The following SPOCK1 variants were observed in gnomAD, a reference collection of about 807,000 sequenced individuals.
The protein encoded by SPOCK1 is testican-1.
A neutral mutation model predicts 55.3 loss-of-function variants in SPOCK1; 23 were observed. The observed-to-expected ratio is 0.42, with a 90% confidence interval of 0.30 to 0.59. SPOCK1 has a LOEUF of 0.59. Ranked by LOEUF, SPOCK1 falls within the 20% of genes least tolerant of loss-of-function variation. The probability of loss-of-function intolerance (pLI) is 0.22; values close to 1 mark genes in which losing one functional copy is unlikely to be tolerated. For synonymous variants in SPOCK1, 226 were observed against 221.0 expected (o/e 1.02, Z -0.20); for missense variants, 499 against 552.5 (o/e 0.90, Z 0.97).
At chr5:137,456,673 T>C (rs1430785623) in intron 2 of SPOCK1, among the ~76,000 whole-genome samples, 1 of 152,090 alleles carries the variant, frequency 6.6e-6, no homozygotes, top group Non-Finnish European at 1.5e-5. Flanking sequence ...CTCAAGGAGG[T>C]AATAATGAAT....
At chr5:137,044,707 T>C (rs1287685569) in intron 6 of SPOCK1, among the ~76,000 whole-genome samples, 1 of 151,722 alleles carries the variant, frequency 6.6e-6, no homozygotes, top group Non-Finnish European at 1.5e-5. Flanking sequence ...GTTAGTTACA[T>C]ATGTATACAT....
chr5:137,124,629 G>A (rs759333779), intron 4 of SPOCK1, among the ~76,000 whole-genome samples: 3 of 152,196 alleles, frequency 2.0e-5, no homozygotes, highest in Non-Finnish European at 4.4e-5. Context: ...AGTCAGCAGT[G>A]TGCACACTCA....
intron 2 of SPOCK1, among the ~76,000 whole-genome samples, chr5:137,289,370 C>T (rs1370511238): frequency 2.0e-5 from 3 of 152,076 alleles, no homozygotes; most frequent in East Asian, 3.9e-4. Flanking sequence ...TAAAACACGG[C>T]ACATTCTGGT....
At chr5:137,309,932 A>G (rs1757761590) in intron 2 of SPOCK1, among the ~76,000 whole-genome samples, 2 of 152,158 alleles carry the variant, frequency 1.3e-5, no homozygotes, top group South Asian at 2.1e-4. Flanking sequence ...AATAGTTGTT[A>G]CTTAATGTCT....
chr5:137,143,567 C>T (rs1216714174), intron 3 of SPOCK1, among the ~76,000 whole-genome samples: 4 of 152,132 alleles, frequency 2.6e-5, no homozygotes, highest in Non-Finnish European at 5.9e-5. Context: ...ACAGCACCTG[C>T]TATTGCTTGG....
chr5:137,147,532 A>C (rs1388390632), intron 3 of SPOCK1, among the ~76,000 whole-genome samples: 1 of 152,174 alleles, frequency 6.6e-6, no homozygotes, highest in African/African-American at 2.4e-5. Flanking sequence ...GCAGCCAGCC[A>C]GCTTTTTGCT....
rs554753664 is a variant in SPOCK1, at chr5:137,371,270, A to C, written c.187-104215T>G. ...TGGCTGCAAGATGTTACTTATGCTA[A>C]GTTCTGCTTCCCTCCACTTAAACTG... is the stretch of plus-strand genomic sequence containing the variant. On this transcript the variant is annotated intron_variant, in intron 2 of 10. Transcript: ENST00000394945. Among the ~76,000 whole-genome samples, 23 of 152,360 alleles carry C rather than the reference A, an allele frequency of 1.5e-4. No individual in the cohort carries two copies. In the East Asian group the frequency reaches 3.5e-3, roughly 23 times the overall value.
chr5:137,296,077 C>A (rs1390074523), intron 2 of SPOCK1, among the ~76,000 whole-genome samples: 1 of 152,156 alleles, frequency 6.6e-6, no homozygotes, highest in Non-Finnish European at 1.5e-5. Flanking sequence ...CCTGAAGAGA[C>A]CCCGCATTCC....
At chr5:137,490,069 T>C (rs149683397) in intron 2 of SPOCK1, among the ~76,000 whole-genome samples, 28 of 152,250 alleles carry the variant, frequency 1.8e-4, no homozygotes, top group African/African-American at 6.3e-4. Context: ...AATGTGTCTA[T>C]CTTCTTCACC....
rs59118602 is a variant in SPOCK1 at position 137,062,439 on chromosome 5, G to A, written c.589+5276C>T. The stretch of plus-strand genomic sequence containing the variant: ...AGGCAGATGCTCAGGTTCAGAAGGG[G>A]TGGAGTATGGGCTAGCTGAAAAATC... On this transcript the variant is annotated intron_variant, in intron 6 of 10. Coordinates refer to ENST00000394945, the MANE Select transcript of SPOCK1 (RefSeq NM_004598.4). Among the ~76,000 whole-genome samples, 555 of 152,018 alleles carry A rather than the reference G, an allele frequency of 3.7e-3. 2 individuals carry two copies. Among genetic ancestry groups the A allele is most frequent in the African/African-American group, 0.013 (520 of 41,438 alleles).
intron 3 of SPOCK1, among the ~76,000 whole-genome samples, chr5:137,197,036 C>T (rs758683753): frequency 2.0e-5 from 3 of 152,186 alleles, no homozygotes; most frequent in Non-Finnish European, 4.4e-5. Flanking sequence ...CCCCTATGTG[C>T]CAGGATACCC....
chr5:137,145,750 G>T (rs1407550139), intron 3 of SPOCK1, among the ~76,000 whole-genome samples: 1 of 152,144 alleles, frequency 6.6e-6, no homozygotes, highest in African/African-American at 2.4e-5. Flanking sequence ...CCTTTCAGGG[G>T]GTCAGGTGAG....
Position 137,032,869 on chromosome 5 carries a change from A to G in SPOCK1, c.589+34846T>C, listed in dbSNP as rs528839379. 3.9e-5 allele frequency among the ~76,000 whole-genome samples: 6 copies of G among 152,286 alleles called. No individual in the cohort carries two copies. The East Asian group carries it at 1.2e-3, about 29-fold the overall frequency. On this transcript the variant is annotated intron_variant, in intron 6 of 10. Coordinates refer to ENST00000394945, the MANE Select transcript of SPOCK1 (RefSeq NM_004598.4). ...TGGACTTGAAGGCTGAGGATGGAAC[A>G]GGCAGAGAAGGAGGGGGCAACAGGA... is the stretch of plus-strand genomic sequence containing the variant.
chr5:137,196,446 T>C (rs1755300383), intron 3 of SPOCK1, among the ~76,000 whole-genome samples: 1 of 152,236 alleles, frequency 6.6e-6, no homozygotes, highest in Non-Finnish European at 1.5e-5. Context: ...GGTCCCTCTG[T>C]GGCATCTCAC....
chr5:137,043,137 TGG>T (rs765598291), intron 6 of SPOCK1, among the ~76,000 whole-genome samples: 1 of 152,078 alleles, frequency 6.6e-6, no homozygotes, highest in South Asian at 2.1e-4. Context: ...TACACCACAG[TGG>T]GGGTATGTCA....
At chr5:137,451,798 A>G (rs1436988714) in intron 2 of SPOCK1, among the ~76,000 whole-genome samples, 4 of 152,186 alleles carry the variant, frequency 2.6e-5, no homozygotes, top group African/African-American at 9.6e-5. Flanking sequence ...GATTTGCTTC[A>G]CCCATTTACA....
At chr5:137,462,522 C>A (rs531803053) in intron 2 of SPOCK1, among the ~76,000 whole-genome samples, 2 of 152,330 alleles carry the variant, frequency 1.3e-5, no homozygotes, top group African/African-American at 4.8e-5. Flanking sequence ...AGGCTTGGAA[C>A]CCCAGCTCCG....
intron 6 of SPOCK1, among the ~76,000 whole-genome samples, chr5:137,061,411 C>A (rs990940350): frequency 1.3e-5 from 2 of 152,166 alleles, no homozygotes; most frequent in Non-Finnish European, 2.9e-5. Context: ...ATCTAGCCCT[C>A]GGGTTGAAAA....
intron 2 of SPOCK1, among the ~76,000 whole-genome samples, chr5:137,457,308 T>C (rs1228500022): frequency 6.6e-6 from 1 of 152,202 alleles, no homozygotes; most frequent in South Asian, 2.1e-4. Context: ...GATTAGAATT[T>C]AGATAAAGTC....
Sources: allele counts gnomAD v4.1 joint callset (sites outside exome capture counted in the v4.1 genomes callset), GRCh38; gene constraint gnomAD v4.1.1; transcripts MANE v1.5; gene names NCBI Gene and HGNC (gene_info 2026-07-23, HGNC 2026-07-21).